The following FMNL2 variants were observed in gnomAD, a reference collection of about 807,000 sequenced individuals.
The protein encoded by FMNL2 is formin-like protein 2.
FMNL2 carries 51 observed loss-of-function variants against 130.2 expected under a neutral mutation model. The observed-to-expected ratio is 0.39, with a 90% CI of 0.31 to 0.49. The LOEUF (loss-of-function observed/expected upper bound fraction) is 0.49. Among genes scored for constraint, FMNL2 ranks in the 20% least tolerant of loss-of-function variants. The pLI is 0.85. For missense variants in FMNL2, 977 were observed against 1,316.2 expected (o/e 0.74, Z 3.99); for synonymous variants, 465 against 467.1 (o/e 1.00, Z 0.06).
chr2:152,430,400 C>T (rs142963989), intron 1 of FMNL2, among the ~76,000 whole-genome samples: 1 of 152,278 alleles, frequency 6.6e-6, no homozygotes, highest in East Asian at 1.9e-4. Flanking sequence ...GAACATTGTG[C>T]TGAAGGTGTG....
intron 4 of FMNL2, among the ~76,000 whole-genome samples, chr2:152,551,644 A>G (rs1041709594): frequency 6.6e-6 from 1 of 152,222 alleles, no homozygotes; most frequent in Non-Finnish European, 1.5e-5. Flanking sequence ...ATCAGTTACT[A>G]AAATGAAGAA....
chr2:152,360,937 T>C (rs74322964), intron 1 of FMNL2, among the ~76,000 whole-genome samples: 1 of 152,346 alleles, frequency 6.6e-6, no homozygotes, highest in East Asian at 1.9e-4. Context: ...TAAGACTTCT[T>C]AAGTCTTGCT....
intron 1 of FMNL2, among the ~76,000 whole-genome samples, chr2:152,404,275 G>A (rs149330730): frequency 2.6e-5 from 4 of 152,106 alleles, no homozygotes; most frequent in East Asian, 1.9e-4. Context: ...AGTTAAATAC[G>A]TATCAATGGA....
intron 9 of FMNL2, among the ~76,000 whole-genome samples, chr2:152,596,358 A>G (rs1697773673): frequency 6.6e-6 from 1 of 152,098 alleles, no homozygotes. Flanking sequence ...TTATGCAGAG[A>G]TGGTACATTT....
intron 9 of FMNL2, among the ~76,000 whole-genome samples, chr2:152,589,950 T>C (rs1325179181): frequency 6.7e-4 from 6 of 8,968 alleles, no homozygotes; most frequent in African/African-American, 1.5e-3. Context: ...CATATATATA[T>C]ATATATATAT....
intron 1 of FMNL2, among the ~76,000 whole-genome samples, 176 bp downstream of exon 1, chr2:152,335,896 C>T (rs1681387629): frequency 6.6e-6 from 1 of 151,722 alleles, no homozygotes; most frequent in African/African-American, 2.4e-5. Flanking sequence ...CCTGGCAGTC[C>T]CCCGCGCTCA....
At chr2:152,350,748 G>T (rs987038330) in intron 1 of FMNL2, among the ~76,000 whole-genome samples, 12 of 152,076 alleles carry the variant, frequency 7.9e-5, no homozygotes, top group African/African-American at 1.4e-4. Context: ...GGGCATACAA[G>T]AATTTTACAA....
intron 2 of FMNL2, among the ~76,000 whole-genome samples, chr2:152,537,844 GTTTGAACAACAGAAACA>G (rs1694079709): frequency 6.6e-6 from 1 of 152,038 alleles, no homozygotes; most frequent in Non-Finnish European, 1.5e-5. Flanking sequence ...AGAAAACTGT[GTTTGAACAACAGAAACA>G]TTGGGAAAAT....
chr2:152,624,467 C>T (rs1331950271), intron 15 of FMNL2, among the ~76,000 whole-genome samples: 1 of 151,908 alleles, frequency 6.6e-6, no homozygotes, highest in Non-Finnish European at 1.5e-5. Context: ...TTTTCCTTCC[C>T]CCCCGCCCCT....
rs115008183 is a variant in FMNL2 at position 152,543,858 on chromosome 2, G to A, written c.282+1039G>A. ...ATAAAATCTAGTAGTGATGATGACA[G>A]TGTAGTGCAGAACTTCATCACTGGC... is the stretch of plus-strand genomic sequence containing the variant. On this transcript the variant is annotated intron_variant, in intron 3 of 25. Coordinates refer to ENST00000288670, the MANE Select transcript of FMNL2 (RefSeq NM_052905.4). Among the ~76,000 whole-genome samples the A allele has an allele frequency of 1.1e-3, 167 of 152,040 alleles. 1 individual carries two copies. Among genetic ancestry groups the A allele is most frequent in the Non-Finnish European group, 1.0e-3 (71 of 67,998 alleles).
chr2:152,502,668 C>G (rs1200107399), intron 1 of FMNL2, among the ~76,000 whole-genome samples: 1 of 152,178 alleles, frequency 6.6e-6, no homozygotes, highest in Non-Finnish European at 1.5e-5. Flanking sequence ...GCCTGGGCAA[C>G]AGAGCAAGAC....
intron 6 of FMNL2, among the ~76,000 whole-genome samples, chr2:152,574,827 G>T (rs1392559940): frequency 6.6e-6 from 1 of 152,164 alleles, no homozygotes; most frequent in African/African-American, 2.4e-5. Flanking sequence ...AAGAACTTCA[G>T]ATGTAGATTA....
At chr2:152,429,758 G>A (rs1371688123) in intron 1 of FMNL2, among the ~76,000 whole-genome samples, 1 of 152,076 alleles carries the variant, frequency 6.6e-6, no homozygotes, top group African/African-American at 2.4e-5. Context: ...ACAGTATGAT[G>A]GGGATCTAAG....
intron 1 of FMNL2, among the ~76,000 whole-genome samples, chr2:152,426,681 AT>A (rs35773838): frequency 4.9e-4 from 72 of 147,874 alleles, no homozygotes; most frequent in African/African-American, 4.4e-4. Context: ...TGATACTGAG[AT>A]TTTTTTTTTT....
chr2:152,471,915 A>G (rs1004310221), intron 1 of FMNL2, among the ~76,000 whole-genome samples: 19 of 152,290 alleles, frequency 1.2e-4, no homozygotes, highest in South Asian at 4.1e-4. Flanking sequence ...TGCCTGGATC[A>G]CAGTTTCAGT....
At chr2:152,493,059 C>G (rs1246960010) in intron 1 of FMNL2, among the ~76,000 whole-genome samples, 10 of 152,008 alleles carry the variant, frequency 6.6e-5, no homozygotes, top group Admixed American at 6.6e-4. Context: ...ATTTAGTTAG[C>G]AAGTGAAATC....
chr2:152,586,217 A>C (rs186558594), intron 9 of FMNL2, among the ~76,000 whole-genome samples: 1 of 152,358 alleles, frequency 6.6e-6, no homozygotes, highest in East Asian at 1.9e-4. Flanking sequence ...CAGTACAGAA[A>C]GATGGAGCCT....
At chr2:152,353,225 T>A (rs1682602392) in intron 1 of FMNL2, among the ~76,000 whole-genome samples, 1 of 152,216 alleles carries the variant, frequency 6.6e-6, no homozygotes, top group Non-Finnish European at 1.5e-5. Flanking sequence ...GTTTCTAATA[T>A]TTTAGATTAA....
chr2:152,467,045 C>T (rs1689586779), intron 1 of FMNL2, among the ~76,000 whole-genome samples: 1 of 152,174 alleles, frequency 6.6e-6, no homozygotes, highest in Non-Finnish European at 1.5e-5. Flanking sequence ...GGTACAGCTA[C>T]TCCTACAATG....
Sources: gnomAD v4.1 joint callset for allele counts (sites outside exome capture counted in the v4.1 genomes callset) on GRCh38, gnomAD v4.1.1 for gene constraint, MANE v1.5 for transcripts, NCBI Gene and HGNC (gene_info 2026-07-23, HGNC 2026-07-21) for gene names.